The following LRRC28 variants were observed in gnomAD, a reference collection of about 807,000 sequenced individuals.
LRRC28 encodes leucine-rich repeat-containing protein 28.
In LRRC28, 39 loss-of-function variants were observed where a neutral mutation model predicts 45.7. That is an observed-to-expected ratio of 0.85 (90% CI 0.66 to 1.12). The LOEUF is 1.12. Ranked by LOEUF, LRRC28 falls within the 50% of genes most tolerant of loss-of-function variation. The pLI, the probability that LRRC28 is intolerant of heterozygous loss-of-function variation, is 0.00. For synonymous variants in LRRC28, 206 were observed against 178.8 expected, an observed-to-expected ratio of 1.15 and a Z score of -1.22; for missense variants, 435 against 438.5, an observed-to-expected ratio of 0.99 and a Z score of 0.07.
intron 5 of LRRC28, among the ~76,000 whole-genome samples, chr15:99,304,404 C>T (rs1365023548): frequency 6.6e-6 from 1 of 151,200 alleles, no homozygotes; most frequent in Non-Finnish European, 1.5e-5. Context: ...TTTTCCGGCA[C>T]TCCATTCATT....
intron 9 of LRRC28, among the ~76,000 whole-genome samples, chr15:99,381,576 G>T (rs911113634): frequency 5.9e-5 from 9 of 152,232 alleles, no homozygotes; most frequent in African/African-American, 2.2e-4. Context: ...TGCTGGCGAG[G>T]AGCTGTGTTC....
rs61068347 is a variant in LRRC28, at chr15:99,387,060, G to GT, written c.*967dup. On this transcript the variant is annotated 3_prime_UTR_variant, in exon 10 of 10. Transcript: ENST00000301981. ...AAGGCTTCAGCTACTTCCACTACTG[G>GT]TTTTTTTTTGTTGTTGTTGAGACGG... is the stretch of plus-strand genomic sequence containing the variant. The GT allele has an allele frequency of 3.1e-4, 46 of 149,968 alleles. No individual in the cohort carries two copies. Among genetic ancestry groups the GT allele is most frequent in the South Asian group, 4.2e-4 (2 of 4,752 alleles). The allele number at this position is 149,968 out of a possible 1,614,324, so 9.3% of individuals were successfully genotyped here. A position where few individuals can be genotyped will look rare whatever the true frequency, so the allele number is the denominator to read the frequency against.
chr15:99,350,972 A>AT (rs1234579717), intron 6 of LRRC28, among the ~76,000 whole-genome samples: 3 of 151,836 alleles, frequency 2.0e-5, no homozygotes, highest in Non-Finnish European at 4.4e-5. Context: ...ATTTTTTTGT[A>AT]TTTTTTTGGT....
In LRRC28 at chr15:99,363,181, A is replaced by T; in HGVS notation, c.947A>T (p.His316Leu). Reference sequence around the variant, plus strand: ...CTGCACTGCCCTCTGGGGCACTGTCATCGGTGTAGTGAGCCTATGTTTACC... The same window carrying T: ...CTGCACTGCCCTCTGGGGCACTGTCTTCGGTGTAGTGAGCCTATGTTTACC... ...ELLHCPLGHC[H>L]RCSEPMFTIV... The change falls in exon 9 of 10, where the codon CAT (histidine) becomes CTT (leucine). Residue 316 changes from histidine to leucine, a missense_variant. His to Leu is a moderately conservative substitution (Grantham distance 99). Transcript: ENST00000301981. 1.2e-6 allele frequency: 2 copies of T among 1,614,048 alleles called. No individual in the cohort carries two copies. Among genetic ancestry groups the T allele is most frequent in the Non-Finnish European group, 1.7e-6 (2 of 1,179,928 alleles).
intron 5 of LRRC28, among the ~76,000 whole-genome samples, chr15:99,331,482 G>A (rs1465661175): frequency 6.6e-6 from 1 of 152,076 alleles, no homozygotes; most frequent in Non-Finnish European, 1.5e-5. Flanking sequence ...CTATTGCACT[G>A]CCTCTGTCCT....
intron 9 of LRRC28, among the ~76,000 whole-genome samples, chr15:99,376,061 T>G (rs1957621721): frequency 6.6e-6 from 1 of 152,114 alleles, no homozygotes; most frequent in Non-Finnish European, 1.5e-5. Flanking sequence ...AAATCAATAA[T>G]CTAGGCTTCT....
chr15:99,312,442 T>G (rs534799434), intron 5 of LRRC28, among the ~76,000 whole-genome samples: 2 of 152,342 alleles, frequency 1.3e-5, no homozygotes, highest in South Asian at 4.1e-4. Context: ...ACAGCATGTA[T>G]GGAGCTGTCA....
chr15:99,296,827 C>T (rs2082275673), intron 5 of LRRC28, among the ~76,000 whole-genome samples: 1 of 152,092 alleles, frequency 6.6e-6, no homozygotes, highest in African/African-American at 2.4e-5. Context: ...ATTTAAACTG[C>T]ATGTAGTACT....
intron 5 of LRRC28, among the ~76,000 whole-genome samples, chr15:99,288,370 A>ATTT (rs2082015092): frequency 8.7e-6 from 1 of 114,298 alleles, no homozygotes; most frequent in Non-Finnish European, 1.8e-5. Flanking sequence ...ATGTACATTA[A>ATTT]CTTTTTTTTT....
chr15:99,276,470 T>A (rs1471551783), intron 2 of LRRC28, 106 bp from the exon 3 acceptor site: 1 of 789,628 alleles, frequency 1.3e-6, no homozygotes, highest in Non-Finnish European at 2.0e-6. Context: ...TCACATTTTC[T>A]CAAAATTTAC....
rs538037423 is a variant in LRRC28, at chr15:99,374,052, T to C, written c.1031+10787T>C. On this transcript the variant is annotated intron_variant, in intron 9 of 9. Transcript: ENST00000301981. ...TTGAGTGATACTTCTACTTTGCTTT[T>C]CCCTTTCAGGATTTTTTTAGCTATT... Among the ~76,000 whole-genome samples, 75 of 152,124 alleles carry C rather than the reference T, an allele frequency of 4.9e-4. 1 individual carries two copies. The highest frequency in any genetic ancestry group is 1.8e-3 in the African/African-American group (74 of 41,562).
chr15:99,308,796 C>A (rs1955289457), intron 5 of LRRC28, among the ~76,000 whole-genome samples: 1 of 152,242 alleles, frequency 6.6e-6, no homozygotes, highest in African/African-American at 2.4e-5. Flanking sequence ...ATCTCAATTT[C>A]TATGGATCAG....
chr15:99,269,651 C>T (rs2081421949), intron 2 of LRRC28, among the ~76,000 whole-genome samples: 1 of 152,224 alleles, frequency 6.6e-6, no homozygotes, highest in Non-Finnish European at 1.5e-5. Flanking sequence ...AATCCACCTC[C>T]CTCAGCCTCC....
chr15:99,348,876 A>G (rs937500233), intron 6 of LRRC28, among the ~76,000 whole-genome samples: 5 of 151,844 alleles, frequency 3.3e-5, no homozygotes, highest in Non-Finnish European at 7.4e-5. Context: ...TAGTTTGGAC[A>G]TTTTGACAGT....
chr15:99,343,979 G>A (rs1956602045), intron 6 of LRRC28, among the ~76,000 whole-genome samples: 3 of 152,084 alleles, frequency 2.0e-5, no homozygotes, highest in African/African-American at 7.2e-5. Flanking sequence ...CGCCTTTACA[G>A]CCTGTGACCT....
At chr15:99,281,454 TTTTC>T (rs2081789120) in intron 3 of LRRC28, among the ~76,000 whole-genome samples, 1 of 151,118 alleles carries the variant, frequency 6.6e-6, no homozygotes, top group African/African-American at 2.5e-5. Context: ...TTCTGTTTAT[TTTTC>T]TTTATCTTAC....
chr15:99,304,090 C>G (rs1463105908), intron 5 of LRRC28, among the ~76,000 whole-genome samples: 1 of 152,194 alleles, frequency 6.6e-6, no homozygotes, highest in Non-Finnish European at 1.5e-5. Flanking sequence ...TCTAGCACTT[C>G]ATCTGATTTA....
At position 99,293,593 on chromosome 15, in the gene LRRC28, C is replaced by CA. The variant is rs57442636; in HGVS notation, c.385+5682dup. On this transcript the variant is annotated intron_variant, in intron 5 of 9. Coordinates refer to ENST00000301981, the MANE Select transcript of LRRC28 (RefSeq NM_144598.5). ...GGGCAACAAGAACGAAACTCTGTCA[C>CA]AAAAAAAAAAAAAAAAAAAAAAAAA... Among the ~76,000 whole-genome samples, 292 of 44,072 alleles carry CA rather than the reference C, an allele frequency of 6.6e-3. 54 individuals carry two copies. The highest frequency in any genetic ancestry group is 9.7e-3 in the Non-Finnish European group (220 of 22,728). 28.9% of individuals were successfully genotyped at this position (44,072 alleles called of 152,430 possible). A position where few individuals can be genotyped will look rare whatever the true frequency, so the allele number is the denominator to read the frequency against.
intron 6 of LRRC28, among the ~76,000 whole-genome samples, chr15:99,350,513 C>G (rs760088335): frequency 6.6e-6 from 1 of 152,196 alleles, no homozygotes; most frequent in Non-Finnish European, 1.5e-5. Flanking sequence ...TAGCAGTGAT[C>G]GTATTGTATT....
Sources: allele counts gnomAD v4.1 joint callset (sites outside exome capture counted in the v4.1 genomes callset), GRCh38; gene constraint gnomAD v4.1.1; transcripts MANE v1.5; gene names NCBI Gene and HGNC (gene_info 2026-07-23, HGNC 2026-07-21).